Variants in FANCD2 observed in about 807,000 individuals in gnomAD.
FANCD2 encodes FA complementation group D2, also known as Fanconi anemia group D2 protein.
A neutral mutation model predicts 192.3 loss-of-function variants in FANCD2; 131 were observed. The observed-to-expected ratio is 0.68, with a 90% CI of 0.59 to 0.79. The LOEUF (loss-of-function observed/expected upper bound fraction) is 0.79, where lower values mean the gene tolerates loss of function less well. Ranked by LOEUF, FANCD2 falls within the 30% of genes least tolerant of loss-of-function variation. The probability of loss-of-function intolerance (pLI) is 0.00; values close to 1 mark genes in which losing one functional copy is unlikely to be tolerated. For synonymous variants in FANCD2, 524 were observed against 612.5 expected (o/e 0.86, Z 2.13); for missense variants, 1,508 against 1,701.6 (o/e 0.89, Z 2.00).
intron 9 of FANCD2, chr3:10,040,164 A>T: frequency 2.6e-6 from 1 of 381,446 alleles, no homozygotes; most frequent in Non-Finnish European, 4.8e-6. Context: ...CCTCCCAAGT[A>T]GCTGGGACTA....
chr3:10,050,482 GCAT>G (rs2087165697), intron 17 of FANCD2, among the ~76,000 whole-genome samples: 1 of 151,916 alleles, frequency 6.6e-6, no homozygotes, highest in Non-Finnish European at 1.5e-5. Flanking sequence ...AATTAGCCGG[GCAT>G]CGTGGCGGTC....
At chr3:10,070,119 G>C (rs376284620) in intron 26 of FANCD2, among the ~76,000 whole-genome samples, 2 of 149,088 alleles carry the variant, frequency 1.3e-5, no homozygotes, top group Non-Finnish European at 3.0e-5. Context: ...CCGCGACCCC[G>C]TCTGGGAGGT....
intron 30 of FANCD2, 95 bp downstream of exon 30, chr3:10,078,292 G>C (rs1693641172): frequency 1.2e-6 from 1 of 826,774 alleles, no homozygotes; most frequent in Non-Finnish European, 2.1e-6. Context: ...TTGGCATTGT[G>C]TTTGGGTCAC....
chr3:10,035,274 G>A (rs1426437723), intron 6 of FANCD2, 41 bp downstream of exon 6: 5 of 1,543,926 alleles, frequency 3.2e-6, no homozygotes, highest in Non-Finnish European at 4.5e-6. Flanking sequence ...GATGGAAGAG[G>A]TTTGTGGTGT....
intron 3 of FANCD2, among the ~76,000 whole-genome samples, chr3:10,033,306 C>G (rs2086647838): frequency 1.3e-5 from 2 of 152,062 alleles, no homozygotes; most frequent in African/African-American, 2.4e-5. Flanking sequence ...GCGCCTGAGT[C>G]AGGAGAATTG....
rs369890094 is a variant in FANCD2 at position 10,039,864 on chromosome 3, A to G, written c.695+19A>G. ...AACTCAGGTGGATAAACCCTCTGTC[A>G]TCATCTAAGTGAGGCTCAGCTATGG... On this transcript the variant is annotated intron_variant, in intron 9 of 43. Transcript: ENST00000675286. 184 of 1,613,802 alleles carry G rather than the reference A, an allele frequency of 1.1e-4. No individual in the cohort carries two copies. Among genetic ancestry groups the G allele is most frequent in the Non-Finnish European group, 1.5e-4 (180 of 1,180,026 alleles).
intron 14 of FANCD2, among the ~76,000 whole-genome samples, 170 bp downstream of exon 14, chr3:10,044,034 ACTGGCCAGATAGC>A (rs2086935357): frequency 6.6e-6 from 1 of 152,154 alleles, no homozygotes; most frequent in African/African-American, 2.4e-5. Flanking sequence ...TGAGGTGGCG[ACTGGCCAGATAGC>A]CTGCCCCTAC....
At chr3:10,064,044 T>C in intron 21 of FANCD2, 133 bp downstream of exon 21, 1 of 1,271,758 alleles carries the variant, frequency 7.9e-7, no homozygotes, top group Non-Finnish European at 1.1e-6. Context: ...GAAAGGCTTT[T>C]CTGCCCTACC....
At chr3:10,071,945 AGAT>A (rs140245580) in intron 26 of FANCD2, among the ~76,000 whole-genome samples, 29,593 of 151,778 alleles carry the variant, frequency 0.19, 3,314 homozygotes, top group African/African-American at 0.31. Context: ...CTTTTGGTGC[AGAT>A]GGGGTTTCAC....
chr3:10,097,419 C>T (rs538998482), intron 42 of FANCD2, among the ~76,000 whole-genome samples: 293 of 152,290 alleles, frequency 1.9e-3, no homozygotes, highest in Non-Finnish European at 3.0e-3. Context: ...AGTTCAGAGA[C>T]CTACCCCTAG....
intron 41 of FANCD2, 127 bp from the exon 42 acceptor site, chr3:10,096,199 A>G (rs1050220670): frequency 1.1e-6 from 1 of 938,298 alleles, no homozygotes; most frequent in Non-Finnish European, 1.7e-6. Context: ...TTCCTGTTTG[A>G]TGGAACATAC....
At chr3:10,084,878 G>A (rs1227360088) in intron 32 of FANCD2, among the ~76,000 whole-genome samples, 1 of 152,104 alleles carries the variant, frequency 6.6e-6, no homozygotes, top group African/African-American at 2.4e-5. Context: ...GAAAGCAGTG[G>A]TTTAAGAAAA....
chr3:10,091,082 C>CT (rs893693945), intron 37 of FANCD2, among the ~76,000 whole-genome samples: 9 of 147,376 alleles, frequency 6.1e-5, no homozygotes, highest in Non-Finnish European at 9.0e-5. Context: ...TATGTTTTTT[C>CT]TTTTTTTTTT....
rs751157372 is a variant in FANCD2 at position 10,096,285 on chromosome 3, G to T, written c.4039-41G>T. ...TCTATAAGAAATGTGAAGGCATGAT[G>T]ATAAACTCACAAAAGATGGATGTTA... is the stretch of plus-strand genomic sequence containing the variant. On this transcript the variant is annotated intron_variant, in intron 41 of 43. Transcript: ENST00000675286. The T allele has an allele frequency of 3.7e-6, 6 of 1,608,800 alleles. No individual in the cohort carries two copies. The African/African-American group carries it at 5.3e-5, about 14-fold the overall frequency.
rs1409125993 is a variant in FANCD2 at position 10,047,026 on chromosome 3, CT to C, written c.1278+306del. Reference sequence around the variant, plus strand: ...CTCTTTAGCCATTCAAAACTGTGGACTTTAGGTGATAATTCCTCTAGAAATG... The same window carrying C: ...CTCTTTAGCCATTCAAAACTGTGGACTTAGGTGATAATTCCTCTAGAAATG... On this transcript the variant is annotated intron_variant, in intron 15 of 43. Transcript: ENST00000675286. 3.3e-5 allele frequency among the ~76,000 whole-genome samples: 5 copies of C among 152,404 alleles called. No individual in the cohort carries two copies. In the East Asian group the frequency reaches 9.6e-4, roughly 29 times the overall value.
chr3:10,066,918 T>A (rs998505383), intron 25 of FANCD2, among the ~76,000 whole-genome samples: 1 of 152,154 alleles, frequency 6.6e-6, no homozygotes, highest in Non-Finnish European at 1.5e-5. Context: ...AGACATGGGC[T>A]TTCACCATGT....
chr3:10,052,293 T>G, intron 17 of FANCD2, 94 bp from the exon 18 acceptor site: 1 of 816,220 alleles, frequency 1.2e-6, no homozygotes, highest in Non-Finnish European at 2.1e-6. Context: ...CCTGGCTATC[T>G]ATGTGTGTCT....
Position 10,072,918 on chromosome 3 carries a change from T to C in FANCD2, c.2542T>C (p.Leu848=), listed in dbSNP as rs755764644. The change falls in exon 27 of 44, where the codon TTA becomes CTA. Residue 848 remains leucine, a synonymous_variant. Transcript: ENST00000675286. Reference sequence around the variant, plus strand: ...TCTTGGAAACTTTGATGTGGAAACTTTAGATATAACACCTCATACTGTTAC... The same window carrying C: ...TCTTGGAAACTTTGATGTGGAAACTCTAGATATAACACCTCATACTGTTAC... ...PPLGNFDVET[L]DITPHTVTAI... is the part of the protein sequence containing the mutation. 6.2e-7 allele frequency: 1 copy of C among 1,612,700 alleles called. No homozygotes were observed. The highest frequency in any genetic ancestry group is 1.1e-5 in the South Asian group (1 of 91,052).
At chr3:10,098,941 C>A in intron 43 of FANCD2, 126 bp downstream of exon 43, 3 of 1,614,200 alleles carry the variant, frequency 1.9e-6, no homozygotes, top group Non-Finnish European at 1.7e-6. Context: ...CATTTCCATT[C>A]CCTCCATAAC....
Sources: allele counts gnomAD v4.1 joint callset (sites outside exome capture counted in the v4.1 genomes callset), GRCh38; gene constraint gnomAD v4.1.1; transcripts MANE v1.5; gene names NCBI Gene and HGNC (gene_info 2026-07-23, HGNC 2026-07-21).